The following MMP2 variants were observed in gnomAD, a reference collection of about 807,000 sequenced individuals.
MMP2 encodes the protein 72 kDa type IV collagenase.
A neutral mutation model predicts 74.8 loss-of-function variants in MMP2; 39 were observed. That is an observed-to-expected ratio of 0.52 (90% CI 0.40 to 0.68). The LOEUF is 0.68. Ranked by LOEUF, MMP2 falls within the 30% of genes least tolerant of loss-of-function variation. MMP2 has a pLI of 0.00. For synonymous variants in MMP2, 367 were observed against 339.8 expected (o/e 1.08, Z -0.88); for missense variants, 803 against 878.3 (o/e 0.91, Z 1.08).
chr16:55,499,656 C>T (rs1394734362), intron 11 of MMP2, among the ~76,000 whole-genome samples: 1 of 152,176 alleles, frequency 6.6e-6, no homozygotes. Flanking sequence ...ATTCTTCACA[C>T]TTTCTAGAAA....
At position 55,483,030 on chromosome 16, in the gene MMP2, A is replaced by G. The variant is rs772094112; in HGVS notation, c.275A>G (p.Asn92Ser). The G allele has an allele frequency of 3.4e-5, 55 of 1,614,056 alleles. No homozygotes were observed. Among genetic ancestry groups the G allele is most frequent in the Non-Finnish European group, 4.5e-5 (53 of 1,180,034 alleles). ...CCCCAGACAGGTGATCTTGACCAGA[A>G]TACCATCGAGACCATGCGGAAGCCA... ...GLPQTGDLDQ[N>S]TIETMRKPRC... The change falls in exon 2 of 13, where the codon AAT becomes AGT. Residue 92 changes from asparagine (N) to serine (S), a missense_variant. Around this residue, in one of 3 missense-constraint regions of MMP2, gnomAD observed 223 missense variants for 232.8 expected, o/e 0.96. Coordinates refer to ENST00000219070, the MANE Select transcript of MMP2 (RefSeq NM_004530.6).
At chr16:55,496,895 T>G in intron 9 of MMP2, 31 bp from the exon 10 acceptor site, 1 of 1,612,708 alleles carries the variant, frequency 6.2e-7, no homozygotes, top group Non-Finnish European at 8.5e-7. Context: ...ACTGAAGATG[T>G]GGTTTCCTGT....
At position 55,497,020 on chromosome 16, in the gene MMP2, G is replaced by T. The variant is rs761833659; in HGVS notation, c.1567G>T (p.Val523Leu). 2.5e-6 allele frequency: 4 copies of T among 1,614,070 alleles called. No homozygotes were observed. The highest frequency in any genetic ancestry group is 3.4e-6 in the Non-Finnish European group (4 of 1,180,056). The change falls in exon 10 of 13, where the codon GTA becomes TTA. Residue 523 changes from valine to leucine, a missense_variant. Coordinates refer to ENST00000219070, the MANE Select transcript of MMP2 (RefSeq NM_004530.6). ...WPELPEKIDA[V>L]YEAPQEEKAV... is the part of the protein sequence containing the mutation. Reference sequence around the variant, plus strand: ...TGAGCTCCCGGAAAAGATTGATGCGGTATACGAGGCCCCACAGGAGGAGAA... The same window carrying T: ...TGAGCTCCCGGAAAAGATTGATGCGTTATACGAGGCCCCACAGGAGGAGAA...
chr16:55,500,429 T>A (rs1400591786), intron 11 of MMP2, among the ~76,000 whole-genome samples: 1 of 151,220 alleles, frequency 6.6e-6, no homozygotes, highest in Non-Finnish European at 1.5e-5. Flanking sequence ...ACTGTATCTA[T>A]GTAAACATGC....
intron 11 of MMP2, among the ~76,000 whole-genome samples, chr16:55,501,147 A>G (rs1962658669): frequency 6.6e-6 from 1 of 152,238 alleles, no homozygotes; most frequent in South Asian, 2.1e-4. Context: ...CAGTTGAGGT[A>G]GATACTGTTA....
intron 5 of MMP2, 83 bp downstream of exon 5, chr16:55,485,860 C>A: frequency 1.4e-6 from 2 of 1,427,982 alleles, no homozygotes; most frequent in East Asian, 2.3e-5. Context: ...TCCCTCCACA[C>A]TCTCCAGGAC....
intron 9 of MMP2, 61 bp downstream of exon 9, chr16:55,493,354 A>G: frequency 4.4e-6 from 7 of 1,608,290 alleles, no homozygotes; most frequent in Non-Finnish European, 6.0e-6. Context: ...TTATACCATT[A>G]TTCTTTTCCC....
intron 6 of MMP2, among the ~76,000 whole-genome samples, chr16:55,489,183 C>A (rs1428063813): frequency 6.6e-6 from 1 of 152,230 alleles, no homozygotes; most frequent in African/African-American, 2.4e-5. Context: ...TTCTTCCCTT[C>A]CTCCAACAGG....
At chr16:55,503,885 G>T (rs368110221) in intron 12 of MMP2, among the ~76,000 whole-genome samples, 1 of 152,162 alleles carries the variant, frequency 6.6e-6, no homozygotes, top group Non-Finnish European at 1.5e-5. Flanking sequence ...AGCTGCCATG[G>T]TTCACACCTG....
chr16:55,500,959 G>A (rs544810774), intron 11 of MMP2, among the ~76,000 whole-genome samples: 2 of 152,296 alleles, frequency 1.3e-5, no homozygotes, highest in South Asian at 4.1e-4. Flanking sequence ...TGTGTGCCAG[G>A]CACTTAGCTA....
At chr16:55,486,789 A>G (rs1962272628) in intron 5 of MMP2, 2 of 152,214 alleles carry the variant, frequency 1.3e-5, no homozygotes, top group South Asian at 4.1e-4. Context: ...TTCCCATGTC[A>G]CAAAGACTCT....
intron 9 of MMP2, among the ~76,000 whole-genome samples, chr16:55,495,669 A>AT (rs1962513828): frequency 6.6e-6 from 1 of 152,230 alleles, no homozygotes. Flanking sequence ...TTTTCTGCAA[A>AT]TAACAGAGAC....
chr16:55,482,878 T>A, intron 1 of MMP2, 31 bp from the exon 2 acceptor site: 1 of 1,590,026 alleles, frequency 6.3e-7, no homozygotes, highest in Non-Finnish European at 8.6e-7. Flanking sequence ...CTAATGTGGC[T>A]AATTGCCTTG....
chr16:55,486,346 CCTGT>C (rs1567375050), intron 5 of MMP2, among the ~76,000 whole-genome samples: 1,460 of 43,770 alleles, frequency 0.033, 17 homozygotes, highest in South Asian at 0.17. Flanking sequence ...TGTGTGTGTG[CCTGT>C]GTGTGTGTGT....
At chr16:55,491,663 AT>A (rs1335836778) in intron 7 of MMP2, 137 bp from the exon 8 acceptor site, 12 of 1,001,912 alleles carry the variant, frequency 1.2e-5, no homozygotes, top group Non-Finnish European at 1.5e-5. Flanking sequence ...GAAAAAAAAA[AT>A]CAATACATGC....
intron 9 of MMP2, among the ~76,000 whole-genome samples, chr16:55,496,609 G>A (rs888757458): frequency 5.9e-5 from 9 of 152,200 alleles, no homozygotes; most frequent in Non-Finnish European, 1.0e-4. Flanking sequence ...AGACACTACT[G>A]TTCCAGGCAC....
chr16:55,493,077 G>T, intron 8 of MMP2, 81 bp from the exon 9 acceptor site: 1 of 1,558,388 alleles, frequency 6.4e-7, no homozygotes, highest in Non-Finnish European at 8.8e-7. Flanking sequence ...TTAGATGGTT[G>T]GGTGGGCACC....
intron 5 of MMP2, 106 bp downstream of exon 5, chr16:55,485,883 C>A: frequency 8.3e-7 from 1 of 1,202,922 alleles, no homozygotes; most frequent in Non-Finnish European, 1.2e-6. Flanking sequence ...GCTGCCACTG[C>A]CAGTTAATGA....
chr16:55,493,118 C>T, intron 8 of MMP2, 40 bp from the exon 9 acceptor site: 1 of 1,611,984 alleles, frequency 6.2e-7, no homozygotes, highest in South Asian at 1.1e-5. Context: ...GGGAGAACCT[C>T]TGGAGCTGCA....
Sources: allele counts gnomAD v4.1 joint callset (sites outside exome capture counted in the v4.1 genomes callset), GRCh38; gene constraint gnomAD v4.1.1; regional missense constraint gnomAD v4.1.1; transcripts MANE v1.5; gene names NCBI Gene and HGNC (gene_info 2026-07-23, HGNC 2026-07-21).